The following STAB2 variants were observed in gnomAD, a reference collection of about 807,000 sequenced individuals.
The protein encoded by STAB2 is stabilin-2.
A neutral mutation model predicts 338.1 loss-of-function variants in STAB2; 288 were observed. That is an observed-to-expected ratio of 0.85 (90% CI 0.77 to 0.94). STAB2 has a LOEUF of 0.94. STAB2 is among the 40% of genes least tolerant of loss of function. The pLI is 0.00. For synonymous variants in STAB2, 1,202 were observed against 1,193.3 expected, an observed-to-expected ratio of 1.01 and a Z score of -0.15; for missense variants, 3,141 against 3,210.1, an observed-to-expected ratio of 0.98 and a Z score of 0.52.
intron 5 of STAB2, among the ~76,000 whole-genome samples, chr12:103,626,454 T>C (rs703616): frequency 0.44 from 66,893 of 152,046 alleles, 16,144 homozygotes; most frequent in Non-Finnish European, 0.56. Context: ...ACCTTTCTCA[T>C]CTATAAAACA....
Position 103,638,089 on chromosome 12 carries a change from T to G in STAB2, c.783T>G (p.Ser261Arg). Residue 261 changes from serine (S) to arginine (R), a missense_variant, in exon 8 of 69, where the codon AGT becomes AGG. Transcript: ENST00000388887. ...CGTACCTGGGACCAAATCGGCACAGTTGTACATGCCAAGAAGGCTACCGTG... is the reference window on the plus strand; with the variant it reads ...CGTACCTGGGACCAAATCGGCACAGGTGTACATGCCAAGAAGGCTACCGTG... ...HCTYLGPNRH[S>R]CTCQEGYRGD... 1.2e-6 allele frequency: 2 copies of G among 1,614,162 alleles called. No individual in the cohort carries two copies. Among genetic ancestry groups the G allele is most frequent in the Non-Finnish European group, 1.7e-6 (2 of 1,180,030 alleles).
intron 47 of STAB2, among the ~76,000 whole-genome samples, chr12:103,727,935 CA>C (rs1881339066): frequency 6.6e-6 from 1 of 152,120 alleles, no homozygotes; most frequent in African/African-American, 2.4e-5. Context: ...ACATGACTAG[CA>C]GGGGGTGGAG....
chr12:103,642,224 C>T (rs919769018), intron 9 of STAB2, among the ~76,000 whole-genome samples: 3 of 152,170 alleles, frequency 2.0e-5, no homozygotes, highest in African/African-American at 7.2e-5. Flanking sequence ...TTACTGAGAA[C>T]AAATAACTTT....
rs561375774 is a variant in STAB2 at position 103,631,580 on chromosome 12, C to T, written c.488-18C>T. Reference sequence around the variant, plus strand: ...AGTCTATGTCAGGTAATAAAAATCCCCCACTTTCTGTCTCCAGTGTGCAAC... The same window carrying T: ...AGTCTATGTCAGGTAATAAAAATCCTCCACTTTCTGTCTCCAGTGTGCAAC... On this transcript the variant is annotated intron_variant, in intron 5 of 68. Coordinates refer to ENST00000388887, the MANE Select transcript of STAB2 (RefSeq NM_017564.10). The T allele has an allele frequency of 6.2e-7, 1 of 1,612,040 alleles. No homozygotes were observed. The highest frequency in any genetic ancestry group is 2.2e-5 in the East Asian group (1 of 44,872).
intron 25 of STAB2, among the ~76,000 whole-genome samples, chr12:103,681,685 G>A (rs570933323): frequency 3.5e-5 from 5 of 143,182 alleles, no homozygotes; most frequent in South Asian, 2.3e-4. Flanking sequence ...GCAATGGTGC[G>A]ATCTCGGCTC....
At chr12:103,749,481 G>C (rs1231176540) in intron 59 of STAB2, among the ~76,000 whole-genome samples, 1 of 152,050 alleles carries the variant, frequency 6.6e-6, no homozygotes, top group Non-Finnish European at 1.5e-5. Flanking sequence ...AGGAGAGTTT[G>C]CTCTTTGGCC....
chr12:103,730,154 C>A lies in STAB2; in HGVS notation c.5121C>A (p.Ser1707=). 1 of 1,612,400 alleles carries A rather than the reference C, an allele frequency of 6.2e-7. No homozygotes were observed. Among genetic ancestry groups the A allele is most frequent in the Non-Finnish European group, 8.5e-7 (1 of 1,179,344 alleles). Residue 1707 remains serine (S), a synonymous_variant, in exon 49 of 69, where the codon TCC becomes TCA. Coordinates refer to ENST00000388887, the MANE Select transcript of STAB2 (RefSeq NM_017564.10). ...VYINNKAKII[S]SDIISTNGIV... is the part of the protein sequence containing the mutation. ...TAAACAATAAGGCTAAGATCATATC[C>A]AGTGATATCATCAGTACTAATGGGA...
chr12:103,709,077 T>A (rs1490109486), intron 39 of STAB2, among the ~76,000 whole-genome samples: 1 of 152,146 alleles, frequency 6.6e-6, no homozygotes, highest in Non-Finnish European at 1.5e-5. Context: ...TGCCAGGTTG[T>A]CCTCCGGAGG....
At chr12:103,591,924 G>A (rs556315631) in intron 2 of STAB2, among the ~76,000 whole-genome samples, 83 of 152,056 alleles carry the variant, frequency 5.5e-4, no homozygotes, top group Non-Finnish European at 9.9e-4. Flanking sequence ...CAATGAGTTT[G>A]CTTTTAATTC....
At chr12:103,740,534 G>A in intron 54 of STAB2, 96 bp from the exon 55 acceptor site, 3 of 1,486,666 alleles carry the variant, frequency 2.0e-6, no homozygotes, top group Non-Finnish European at 8.9e-7. Context: ...TTTTATTTGG[G>A]CAGTACCTAA....
At chr12:103,739,607 GTCATTCTTT>G in intron 54 of STAB2, 139 bp downstream of exon 54, 3 of 708,740 alleles carry the variant, frequency 4.2e-6, no homozygotes, top group Non-Finnish European at 6.1e-6. Context: ...TGTAATTTAT[GTCATTCTTT>G]CAACAACAAA....
intron 6 of STAB2, among the ~76,000 whole-genome samples, chr12:103,636,117 T>C (rs1316414505): frequency 6.6e-6 from 1 of 152,106 alleles, no homozygotes; most frequent in Non-Finnish European, 1.5e-5. Context: ...TACATCTGTA[T>C]ACATGTGCCA....
rs375399743 is a variant in STAB2, at chr12:103,669,527, A to G, written c.2173-14A>G. 22 of 1,613,044 alleles carry G rather than the reference A, an allele frequency of 1.4e-5. No homozygotes were observed. Among genetic ancestry groups the G allele is most frequent in the Non-Finnish European group, 1.8e-5 (21 of 1,179,118 alleles). ...CTTGGGGGTTCAAAGGGGAACACGC[A>G]TTTTGTTTTTCAGATTCCAAAGTGC... On this transcript the variant is annotated splice_polypyrimidine_tract_variant and intron_variant, in intron 20 of 68. Transcript: ENST00000388887.
In STAB2 at chr12:103,659,708, G is replaced by A. The variant is rs374225693; in HGVS notation, c.1735-623G>A. Among the ~76,000 whole-genome samples, 35 of 152,292 alleles carry A rather than the reference G, an allele frequency of 2.3e-4. No homozygotes were observed. The East Asian group carries it at 4.6e-3, about 20-fold the overall frequency. On this transcript the variant is annotated intron_variant, in intron 15 of 68. Coordinates refer to ENST00000388887, the MANE Select transcript of STAB2 (RefSeq NM_017564.10). ...ATCCTGTCTATGGTCTCCTTTGTGG[G>A]GCTAGGACCCTCTTTTCTCCACTGC...
Position 103,713,068 on chromosome 12 carries a change from C to T in STAB2, c.4412-575C>T, listed in dbSNP as rs79726735. Among the ~76,000 whole-genome samples the T allele has an allele frequency of 4.8e-3, 730 of 152,268 alleles. 3 individuals are homozygous for T. The highest frequency in any genetic ancestry group is 0.016 in the African/African-American group (665 of 41,530). ...ACCTAAATACTTATTACTTACATTA[C>T]CTTGGGAAAGTTTCTTGACTGCTCT... is the stretch of plus-strand genomic sequence containing the variant. On this transcript the variant is annotated intron_variant, in intron 41 of 68. Transcript: ENST00000388887.
chr12:103,711,558 A>AT (rs535254812), intron 40 of STAB2, 42 bp downstream of exon 40: 45 of 1,607,608 alleles, frequency 2.8e-5, no homozygotes, highest in South Asian at 1.8e-4. Flanking sequence ...TGTAAAGGGG[A>AT]TTTTTTCCCA....
intron 18 of STAB2, 47 bp downstream of exon 18, chr12:103,663,045 A>G: frequency 6.2e-7 from 1 of 1,601,884 alleles, no homozygotes; most frequent in Non-Finnish European, 8.5e-7. Context: ...AGCCCCTCAG[A>G]GCAGAGAGCA....
At chr12:103,703,553 G>C (rs886159409) in intron 35 of STAB2, among the ~76,000 whole-genome samples, 1 of 152,148 alleles carries the variant, frequency 6.6e-6, no homozygotes, top group African/African-American at 2.4e-5. Context: ...TGGTGGGGGG[G>C]AGTGGTGTGC....
At chr12:103,727,188 C>G in intron 46 of STAB2, 79 bp from the exon 47 acceptor site, 1 of 1,475,950 alleles carries the variant, frequency 6.8e-7, no homozygotes, top group Non-Finnish European at 9.5e-7. Flanking sequence ...CAGGTGCCAT[C>G]ATCTCTGGTA....
Sources: allele counts gnomAD v4.1 joint callset (sites outside exome capture counted in the v4.1 genomes callset), GRCh38; gene constraint gnomAD v4.1.1; transcripts MANE v1.5; gene names NCBI Gene and HGNC (gene_info 2026-07-23, HGNC 2026-07-21).